Variants in BRF1 observed in about 807,000 individuals in gnomAD.
BRF1 encodes transcription factor IIIB 90 kDa subunit.
A neutral mutation model predicts 81.7 loss-of-function variants in BRF1; 59 were observed. That is an observed-to-expected ratio of 0.72 (90% confidence interval 0.59 to 0.90). The LOEUF (loss-of-function observed/expected upper bound fraction) is 0.90. BRF1 is among the 40% of genes least tolerant of loss of function. The probability of loss-of-function intolerance (pLI) is 0.00; values close to 1 mark genes in which losing one functional copy is unlikely to be tolerated. For missense variants in BRF1, 1,050 were observed against 936.3 expected, an observed-to-expected ratio of 1.12 and a Z score of -1.58; for synonymous variants, 491 against 395.6, an observed-to-expected ratio of 1.24 and a Z score of -2.86.
intron 1 of BRF1, among the ~76,000 whole-genome samples, chr14:105,293,478 C>A (rs1006247060): frequency 6.6e-6 from 1 of 152,230 alleles, no homozygotes; most frequent in African/African-American, 2.4e-5. Context: ...CGAGGAGGGA[C>A]CCCTGCAAGC....
intron 4 of BRF1, among the ~76,000 whole-genome samples, chr14:105,253,306 T>C (rs1444739442): frequency 3.3e-5 from 5 of 152,042 alleles, no homozygotes; most frequent in Non-Finnish European, 7.4e-5. Flanking sequence ...TGCTGGCAGG[T>C]GTGGATGAGG....
intron 1 of BRF1, among the ~76,000 whole-genome samples, chr14:105,295,894 C>T (rs1264820163): frequency 6.6e-6 from 1 of 151,674 alleles, no homozygotes; most frequent in Non-Finnish European, 1.5e-5. Flanking sequence ...GCCTCACCAA[C>T]ATGGTGAAAC....
intron 3 of BRF1, among the ~76,000 whole-genome samples, chr14:105,265,127 A>T (rs2056352922): frequency 6.8e-6 from 1 of 146,406 alleles, no homozygotes; most frequent in East Asian, 2.0e-4. Context: ...GCACTGATGC[A>T]CTGATGTCAT....
At position 105,221,728 on chromosome 14, in the gene BRF1, A is replaced by G; in HGVS notation, c.1235T>C (p.Leu412Pro). ...GGRPPALGSL[L>P]DPLPTAASLG... Reference sequence around the variant, plus strand: ...GCTGGCTGCAGTGGGGAGGGGGTCCAGCAGGGACCCCAGGGCCGGAGGTCT... The same window carrying G: ...GCTGGCTGCAGTGGGGAGGGGGTCCGGCAGGGACCCCAGGGCCGGAGGTCT... The change falls in exon 11 of 18, where the codon CTG becomes CCG. Residue 412 changes from leucine to proline, a missense_variant. Physicochemically the swap from Leu to Pro is moderately conservative, Grantham distance 98. Around this residue, in one of 2 missense-constraint regions of BRF1, gnomAD observed 1,043 missense variants for 915.4 expected, o/e 1.14. Coordinates refer to ENST00000547530, the MANE Select transcript of BRF1 (RefSeq NM_001519.4). The G allele has an allele frequency of 6.2e-7, 1 of 1,610,598 alleles. No homozygotes were observed. Among genetic ancestry groups the G allele is most frequent in the Non-Finnish European group, 8.5e-7 (1 of 1,179,554 alleles).
chr14:105,315,079 C>T lies in BRF1; in HGVS notation c.-162+243G>A. On this transcript the variant is annotated intron_variant, in intron 1 of 17. Transcript: ENST00000327359. The surrounding 1 kb of genome is among the most constrained non-coding windows in gnomAD (Gnocchi z 4.4). Reference sequence around the variant, plus strand: ...GCGCTTTGTTCCCGCCGGGCACCTGCTGGGGGTGTCCTGGCCGCGGCCTCT... The same window carrying T: ...GCGCTTTGTTCCCGCCGGGCACCTGTTGGGGGTGTCCTGGCCGCGGCCTCT... 1 of 1,089,154 alleles carries T rather than the reference C, an allele frequency of 9.2e-7. No homozygotes were observed. The allele number at this position is 1,089,154 out of a possible 1,614,324, so 67.5% of individuals were successfully genotyped here. A position where few individuals can be genotyped will look rare whatever the true frequency, so the allele number is the denominator to read the frequency against.
At chr14:105,219,933 G>A (rs1892004001) in intron 12 of BRF1, 136 bp downstream of exon 12, 3 of 918,088 alleles carry the variant, frequency 3.3e-6, no homozygotes, top group Non-Finnish European at 5.0e-6. Flanking sequence ...TGGCCAGAAG[G>A]CCAGGAGCCC....
At position 105,252,585 on chromosome 14, in the gene BRF1, A is replaced by G; in HGVS notation, c.472-6T>C. 6.2e-7 allele frequency: 1 copy of G among 1,611,318 alleles called. No individual in the cohort carries two copies. Among genetic ancestry groups the G allele is most frequent in the Admixed American group, 1.7e-5 (1 of 59,208 alleles). On this transcript the variant is annotated splice_polypyrimidine_tract_variant and splice_region_variant and intron_variant, in intron 4 of 17. Coordinates refer to ENST00000547530, the MANE Select transcript of BRF1 (RefSeq NM_001519.4). ...CCAAGCACGTACACATTCACCTGAGATGGAGAGATCACAACCAGAAACAGC... is the reference window on the plus strand; with the variant it reads ...CCAAGCACGTACACATTCACCTGAGGTGGAGAGATCACAACCAGAAACAGC...
At chr14:105,291,634 ACT>A (rs2057515620) in intron 1 of BRF1, among the ~76,000 whole-genome samples, 1 of 151,916 alleles carries the variant, frequency 6.6e-6, no homozygotes, top group Non-Finnish European at 1.5e-5. Flanking sequence ...GTGAGCCAAG[ACT>A]CTGTCAAAAA....
At chr14:105,262,402 C>A (rs3784216) in intron 3 of BRF1, among the ~76,000 whole-genome samples, 13 of 152,284 alleles carry the variant, frequency 8.5e-5, no homozygotes, top group Non-Finnish European at 1.8e-4. Context: ...TGTCCAGATA[C>A]CTCTGACCTC....
intron 5 of BRF1, among the ~76,000 whole-genome samples, chr14:105,245,025 C>G (rs1445549553): frequency 6.6e-6 from 1 of 151,948 alleles, no homozygotes; most frequent in Non-Finnish European, 1.5e-5. Flanking sequence ...AAAGTTCAAT[C>G]CTTCAGGTAA....
In BRF1 at chr14:105,250,696, G is replaced by A. The variant is rs370097571; in HGVS notation, c.544+1811C>T. 6 of 1,588,338 alleles carry A rather than the reference G, an allele frequency of 3.8e-6. No homozygotes were observed. The African/African-American group carries it at 5.4e-5, about 14-fold the overall frequency. On this transcript the variant is annotated intron_variant, in intron 5 of 17. Coordinates refer to ENST00000547530, the MANE Select transcript of BRF1 (RefSeq NM_001519.4). The stretch of plus-strand genomic sequence containing the variant: ...GAGGTGCCCGGGGAGGCTGCAGCAG[G>A]TCAGCGAGTGAGTGGAGGGGAAGTC...
intron 2 of BRF1, 75 bp downstream of exon 2, chr14:105,286,221 G>T: frequency 6.8e-7 from 1 of 1,466,546 alleles, no homozygotes; most frequent in Non-Finnish European, 9.3e-7. Context: ...CTGAGTCAGT[G>T]CCCTCCACCC....
intron 1 of BRF1, among the ~76,000 whole-genome samples, chr14:105,289,887 C>T (rs140884366): frequency 4.6e-5 from 7 of 152,028 alleles, no homozygotes; most frequent in Non-Finnish European, 1.0e-4. Context: ...CCACCCACCT[C>T]GGCCTCCCAA....
intron 15 of BRF1, 173 bp downstream of exon 15, chr14:105,217,371 C>T: frequency 2.9e-6 from 3 of 1,025,570 alleles, no homozygotes; most frequent in Non-Finnish European, 1.4e-6. Flanking sequence ...AGAGTTGAGA[C>T]ACTGTCAAGG....
intron 2 of BRF1, among the ~76,000 whole-genome samples, chr14:105,279,003 C>T (rs1023518275): frequency 1.3e-5 from 2 of 152,076 alleles, no homozygotes; most frequent in Non-Finnish European, 2.9e-5. Context: ...GAGATCGCGC[C>T]ACTGCACTCC....
At chr14:105,252,700 A>G (rs1595393653) in intron 4 of BRF1, 121 bp from the exon 5 acceptor site, 2 of 1,050,464 alleles carry the variant, frequency 1.9e-6, no homozygotes, top group East Asian at 2.8e-5. Flanking sequence ...TGGAGCAGCC[A>G]CCCCACACCC....
At chr14:105,248,575 G>A (rs1283525336) in intron 5 of BRF1, 2 of 909,232 alleles carry the variant, frequency 2.2e-6, no homozygotes, top group Non-Finnish European at 1.3e-6. Flanking sequence ...GGGCTCGGGC[G>A]GGCGGGCGGG....
intron 5 of BRF1, chr14:105,250,063 C>G: frequency 6.2e-7 from 1 of 1,613,000 alleles, no homozygotes. Context: ...TCTATCTGGT[C>G]CGAATTCCAA....
rs143090301 is a variant in BRF1 at position 105,209,729 on chromosome 14, C to T, written c.*822G>A. On this transcript the variant is annotated 3_prime_UTR_variant, in exon 18 of 18. Coordinates refer to ENST00000547530, the MANE Select transcript of BRF1 (RefSeq NM_001519.4). ...CCACGGGGAACTCCCAGCGCCAGGA[C>T]ACTATGCAGGCTATGCCCGCACTGC... 315 of 613,012 alleles carry T rather than the reference C, an allele frequency of 5.1e-4. 2 individuals are homozygous for T. The highest frequency in any genetic ancestry group is 2.4e-3 in the South Asian group (129 of 53,240). 38.0% of individuals were successfully genotyped at this position (613,012 alleles called of 1,614,324 possible).
Sources: allele counts gnomAD v4.1 joint callset (sites outside exome capture counted in the v4.1 genomes callset), GRCh38; gene constraint gnomAD v4.1.1; regional missense constraint gnomAD v4.1.1; non-coding constraint Gnocchi (gnomAD v3.1); transcripts MANE v1.5; gene names NCBI Gene and HGNC (gene_info 2026-07-23, HGNC 2026-07-21).